Variants in PTPRN2 observed in about 807,000 individuals in gnomAD.
PTPRN2 encodes the protein protein tyrosine phosphatase receptor type N2.
PTPRN2 carries 74 observed loss-of-function variants against 118.8 expected under a neutral mutation model. The observed-to-expected ratio is 0.62, with a 90% CI of 0.52 to 0.76. The LOEUF (loss-of-function observed/expected upper bound fraction) is 0.76. PTPRN2 is among the 30% of genes least tolerant of loss of function. The pLI is 0.00. For missense variants in PTPRN2, 1,481 were observed against 1,394.4 expected, an observed-to-expected ratio of 1.06 and a Z score of -0.99; for synonymous variants, 641 against 608.0, an observed-to-expected ratio of 1.05 and a Z score of -0.80.
Position 157,838,348 on chromosome 7 carries a change from C to T in PTPRN2, c.1788+60325G>A, listed in dbSNP as rs531142209. On this transcript the variant is annotated intron_variant, in intron 12 of 22. Coordinates refer to ENST00000389418, the MANE Select transcript of PTPRN2 (RefSeq NM_002847.5). ...CCGCCGTGCCTACTCCAGTTCCTCT[C>T]GTAGTGGATGGCATGGGAGAAAGCT... is the stretch of plus-strand genomic sequence containing the variant. 8.0e-5 allele frequency among the ~76,000 whole-genome samples: 12 copies of T among 149,786 alleles called. No homozygotes were observed. The East Asian group carries it at 1.8e-3, about 23-fold the overall frequency.
intron 2 of PTPRN2, among the ~76,000 whole-genome samples, chr7:158,441,420 GGTGATA>G (rs1198165718): frequency 6.8e-6 from 1 of 147,950 alleles, no homozygotes. Flanking sequence ...TGGTGGTGAT[GGTGATA>G]GTGATGGTGA....
chr7:157,608,069 G>A (rs1352468749), intron 15 of PTPRN2, among the ~76,000 whole-genome samples: 2 of 152,042 alleles, frequency 1.3e-5, no homozygotes, highest in East Asian at 1.9e-4. Flanking sequence ...AATTACCAGC[G>A]AAGTCTTTTT....
chr7:157,704,940 C>T (rs1027639588), intron 12 of PTPRN2, among the ~76,000 whole-genome samples: 6 of 152,196 alleles, frequency 3.9e-5, no homozygotes, highest in African/African-American at 7.2e-5. Context: ...ACTCTGTGCT[C>T]GAGCACTAAC....
At chr7:158,223,465 A>C (rs551024470) in intron 3 of PTPRN2, among the ~76,000 whole-genome samples, 3 of 152,174 alleles carry the variant, frequency 2.0e-5, no homozygotes, top group Non-Finnish European at 4.4e-5. Flanking sequence ...GAAAATAATG[A>C]TACATCATGA....
chr7:158,191,717 C>A (rs1446865162), intron 5 of PTPRN2, among the ~76,000 whole-genome samples: 9 of 152,160 alleles, frequency 5.9e-5, no homozygotes, highest in Non-Finnish European at 1.2e-4. Flanking sequence ...AGCTCCCACT[C>A]GCCCTGCATA....
At chr7:157,875,044 C>T (rs73165881) in intron 12 of PTPRN2, among the ~76,000 whole-genome samples, 29,094 of 151,848 alleles carry the variant, frequency 0.19, 2,944 homozygotes, top group South Asian at 0.25. Context: ...CACACACACG[C>T]GCACACACAG....
chr7:158,527,088 C>A (rs1824834884), intron 1 of PTPRN2, among the ~76,000 whole-genome samples: 1 of 152,194 alleles, frequency 6.6e-6, no homozygotes, highest in Non-Finnish European at 1.5e-5. Context: ...CTGCACAAGC[C>A]AACCTGGCTC....
At chr7:157,962,522 A>G (rs1478660285) in intron 11 of PTPRN2, among the ~76,000 whole-genome samples, 2 of 152,258 alleles carry the variant, frequency 1.3e-5, no homozygotes, top group African/African-American at 4.8e-5. Context: ...TAGTTTTTAC[A>G]CTATTTAATA....
At chr7:158,147,465 A>G (rs144625860) in intron 6 of PTPRN2, among the ~76,000 whole-genome samples, 11,393 of 14,624 alleles carry the variant, frequency 0.78, 4,782 homozygotes, top group Middle Eastern at 0.96. Flanking sequence ...CCCATCTCAC[A>G]CCACGTGTCT....
rs1810269431 is a variant in PTPRN2, at chr7:157,861,889, G to A, written c.1788+36784C>T. On this transcript the variant is annotated intron_variant, in intron 12 of 22. Transcript: ENST00000389418. This position sits in a 1 kb window ranked among gnomAD's most constrained non-coding sequence, Gnocchi z 5.8. Reference sequence around the variant, plus strand: ...CCGGAGTCTGTCCTCCCCATCACAGGGACACTGCTGCTTCGAGGACTCTGT... The same window carrying A: ...CCGGAGTCTGTCCTCCCCATCACAGAGACACTGCTGCTTCGAGGACTCTGT... 6.7e-6 allele frequency among the ~76,000 whole-genome samples: 1 copy of A among 150,306 alleles called. No individual in the cohort carries two copies. The highest frequency in any genetic ancestry group is 6.7e-5 in the Admixed American group (1 of 15,030).
rs1466575290 is a variant in PTPRN2, at chr7:157,576,744, G to C, written c.2652C>G (p.Asp884Glu). The C allele has an allele frequency of 6.2e-7, 1 of 1,608,816 alleles. No individual in the cohort carries two copies. Among genetic ancestry groups the C allele is most frequent in the East Asian group, 2.2e-5 (1 of 44,744 alleles). ...TCAGATAGAAGCTCCTCACCAGGAA[G>C]TCCTCACACCAGATGTGCTCGGAGA... ...NLVSEHIWCEDFLVRSFYLKN... is the reference protein window; with the variant it reads ...NLVSEHIWCEEFLVRSFYLKN... The change falls in exon 19 of 23, where the codon GAC becomes GAG. Residue 884 changes from aspartate to glutamate, a missense_variant. Coordinates refer to ENST00000389418, the MANE Select transcript of PTPRN2 (RefSeq NM_002847.5).
In PTPRN2 at chr7:157,622,247, C is replaced by T. The variant is rs748390166; in HGVS notation, c.2197-738G>A. ...ATGGCACCACAGGAAGTGACGGCCT[C>T]GTCTGCTGTCACTCTGCTTGTGGAT... On this transcript the variant is annotated intron_variant, in intron 14 of 22. Coordinates refer to ENST00000389418, the MANE Select transcript of PTPRN2 (RefSeq NM_002847.5). This position sits in a 1 kb window ranked among gnomAD's most constrained non-coding sequence, Gnocchi z 5.3. Among the ~76,000 whole-genome samples the T allele has an allele frequency of 2.6e-5, 4 of 152,078 alleles. No homozygotes were observed. In the East Asian group the frequency reaches 7.8e-4, roughly 30 times the overall value.
chr7:158,051,234 T>C (rs529707574), intron 11 of PTPRN2, among the ~76,000 whole-genome samples: 3 of 152,216 alleles, frequency 2.0e-5, no homozygotes, highest in Non-Finnish European at 4.4e-5. Flanking sequence ...AGCCCAGCTC[T>C]GGACCAGCTT....
Position 157,800,468 on chromosome 7 carries a change from C to G in PTPRN2, c.1788+98205G>C, listed in dbSNP as rs1204806754. On this transcript the variant is annotated intron_variant, in intron 12 of 22. Transcript: ENST00000389418. ...GGCCCCTCAAAGCGACTCAACGACC[C>G]TCTGCTGATCCAAAGACTCGGCATC... Among the ~76,000 whole-genome samples, 8 of 152,320 alleles carry G rather than the reference C, an allele frequency of 5.3e-5. No homozygotes were observed. In the East Asian group the frequency reaches 1.5e-3, roughly 29 times the overall value.
intron 3 of PTPRN2, among the ~76,000 whole-genome samples, chr7:158,227,734 A>C (rs116652437): frequency 6.6e-6 from 1 of 151,228 alleles, no homozygotes; most frequent in Non-Finnish European, 1.5e-5. Flanking sequence ...GGATGATCCC[A>C]TGCAGGAAGC....
chr7:158,564,036 A>G (rs1005833169), intron 1 of PTPRN2, among the ~76,000 whole-genome samples: 3 of 152,158 alleles, frequency 2.0e-5, no homozygotes, highest in African/African-American at 7.2e-5. Flanking sequence ...TGATACAAAG[A>G]AAGGGCTAGG....
rs565956574 is a variant in PTPRN2 at position 158,139,544 on chromosome 7, T to C, written c.911-1029A>G. 3.3e-5 allele frequency among the ~76,000 whole-genome samples: 5 copies of C among 152,102 alleles called. No individual in the cohort carries two copies. The East Asian group carries it at 9.7e-4, about 29-fold the overall frequency. On this transcript the variant is annotated intron_variant, in intron 6 of 22. Coordinates refer to ENST00000389418, the MANE Select transcript of PTPRN2 (RefSeq NM_002847.5). ...ACCTGAAAGAAAGCCCACAAGTCTC[T>C]CAAATCTGGGAAGGATTGTCACTCA...
chr7:157,637,107 T>G (rs1438032166), intron 14 of PTPRN2, among the ~76,000 whole-genome samples: 1 of 152,226 alleles, frequency 6.6e-6, no homozygotes, highest in Non-Finnish European at 1.5e-5. Context: ...CATTCCTTAT[T>G]CAATGAGAAA....
chr7:158,056,603 C>A (rs1351652430), intron 11 of PTPRN2, among the ~76,000 whole-genome samples: 4 of 152,200 alleles, frequency 2.6e-5, no homozygotes, highest in Admixed American at 2.6e-4. Flanking sequence ...ACAGCAGACC[C>A]GTTCTCCACA....
Sources: allele counts gnomAD v4.1 joint callset (sites outside exome capture counted in the v4.1 genomes callset), GRCh38; gene constraint gnomAD v4.1.1; non-coding constraint Gnocchi (gnomAD v3.1); transcripts MANE v1.5; gene names NCBI Gene and HGNC (gene_info 2026-07-23, HGNC 2026-07-21).